Variants in ROBO2 observed in about 807,000 individuals in gnomAD.
The protein encoded by ROBO2 is roundabout guidance receptor 2, also known as roundabout homolog 2.
ROBO2 carries 53 observed loss-of-function variants against 160.8 expected under a neutral mutation model. That is an observed-to-expected ratio of 0.33 (90% CI 0.26 to 0.41). The LOEUF (loss-of-function observed/expected upper bound fraction) is 0.41, where lower values mean the gene tolerates loss of function less well. Among genes scored for constraint, ROBO2 ranks in the 10% least tolerant of loss-of-function variants. ROBO2 has a pLI of 1.00. For synonymous variants in ROBO2, 664 were observed against 611.7 expected, an observed-to-expected ratio of 1.09 and a Z score of -1.26; for missense variants, 1,577 against 1,722.4, an observed-to-expected ratio of 0.92 and a Z score of 1.49.
chr3:77,529,177 A>G lies in ROBO2; in HGVS notation c.934+6275A>G, dbSNP rs538929444. Among the ~76,000 whole-genome samples, 4 of 151,142 alleles carry G rather than the reference A, an allele frequency of 2.6e-5. No homozygotes were observed. The South Asian group carries it at 8.3e-4, about 31-fold the overall frequency. ...AAGATTTATATATAAATTATATACA[A>G]CAATGATATAGATTATATATAAAAT... On this transcript the variant is annotated intron_variant, in intron 6 of 25. Coordinates refer to ENST00000461745, the Ensembl canonical transcript of ROBO2.
chr3:76,891,304 T>C (rs3911529), intron 2 of ROBO2, among the ~76,000 whole-genome samples: 28,849 of 152,112 alleles, frequency 0.19, 2,824 homozygotes, highest in East Asian at 0.22. Flanking sequence ...TTTTATGGAA[T>C]AAATTGGATG....
At chr3:76,359,277 C>A (rs1576648105) in intron 2 of ROBO2, among the ~76,000 whole-genome samples, 1 of 151,912 alleles carries the variant, frequency 6.6e-6, no homozygotes, top group African/African-American at 2.4e-5. Context: ...TGAATGAGCC[C>A]TTTTAGCTAG....
chr3:76,643,383 T>A (rs553888831), intron 2 of ROBO2, among the ~76,000 whole-genome samples: 1 of 152,274 alleles, frequency 6.6e-6, no homozygotes, highest in East Asian at 1.9e-4. Context: ...GAGAAGAATA[T>A]CTCTGAGATT....
chr3:76,288,412 A>AT (rs1708635437), intron 2 of ROBO2, among the ~76,000 whole-genome samples: 1 of 151,796 alleles, frequency 6.6e-6, no homozygotes, highest in Non-Finnish European at 1.5e-5. Flanking sequence ...TAAAATACCC[A>AT]TTTTTTTAAT....
intron 2 of ROBO2, among the ~76,000 whole-genome samples, chr3:76,016,631 A>G (rs1227419253): frequency 6.6e-6 from 1 of 152,086 alleles, no homozygotes. Context: ...GAGTATTGGT[A>G]TTATTTCAAT....
chr3:77,486,732 G>T (rs2085406875), intron 4 of ROBO2, among the ~76,000 whole-genome samples: 1 of 152,004 alleles, frequency 6.6e-6, no homozygotes, highest in East Asian at 1.9e-4. Context: ...CACTCTGATA[G>T]TTTCTTTTGC....
intron 20 of ROBO2, among the ~76,000 whole-genome samples, chr3:77,604,339 CA>C (rs1207217608): frequency 6.6e-6 from 1 of 152,046 alleles, no homozygotes; most frequent in East Asian, 1.9e-4. Context: ...CTTTTTATTT[CA>C]TTAAAGATAT....
At chr3:77,234,169 C>T (rs2087615999) in intron 2 of ROBO2, among the ~76,000 whole-genome samples, 1 of 151,930 alleles carries the variant, frequency 6.6e-6, no homozygotes, top group African/African-American at 2.4e-5. Context: ...CAGGATCCTC[C>T]CTTCATTCCA....
chr3:77,254,335 T>C (rs1339209133), intron 2 of ROBO2, among the ~76,000 whole-genome samples: 1 of 152,250 alleles, frequency 6.6e-6, no homozygotes, highest in Non-Finnish European at 1.5e-5. Flanking sequence ...GTATTCATTT[T>C]TTAATTGAAT....
chr3:76,444,622 T>C (rs1460221828), intron 2 of ROBO2, among the ~76,000 whole-genome samples: 1 of 152,116 alleles, frequency 6.6e-6, no homozygotes, highest in African/African-American at 2.4e-5. Context: ...TCAGTCACTA[T>C]CATGAGAACA....
intron 2 of ROBO2, among the ~76,000 whole-genome samples, chr3:76,902,507 T>C (rs1382995407): frequency 1.3e-5 from 2 of 152,064 alleles, no homozygotes; most frequent in Admixed American, 6.6e-5. Flanking sequence ...TTTAATCAAA[T>C]TTATACATTT....
At chr3:76,567,164 C>A (rs1261405139) in intron 2 of ROBO2, among the ~76,000 whole-genome samples, 1 of 152,084 alleles carries the variant, frequency 6.6e-6, no homozygotes, top group African/African-American at 2.4e-5. Context: ...GGCAAAAGTC[C>A]ACCATTTTAA....
chr3:76,759,470 G>A (rs2108349420), intron 2 of ROBO2, among the ~76,000 whole-genome samples: 1 of 151,458 alleles, frequency 6.6e-6, no homozygotes. Context: ...AAATTTTGAG[G>A]GTGCTAGACT....
chr3:77,240,001 AC>A (rs142387214), intron 2 of ROBO2, among the ~76,000 whole-genome samples: 248 of 152,286 alleles, frequency 1.6e-3, no homozygotes, highest in African/African-American at 5.6e-3. Flanking sequence ...CCAAGTCCCC[AC>A]CTGACTCAGG....
At chr3:76,295,123 A>T (rs7609899) in intron 2 of ROBO2, among the ~76,000 whole-genome samples, 40,767 of 152,092 alleles carry the variant, frequency 0.27, 6,448 homozygotes, top group Non-Finnish European at 0.36. Flanking sequence ...AGCCCATTGA[A>T]TCAAAACAAG....
chr3:76,450,245 G>A (rs1463191810), intron 2 of ROBO2, among the ~76,000 whole-genome samples: 4 of 152,104 alleles, frequency 2.6e-5, no homozygotes, highest in African/African-American at 9.7e-5. Context: ...TTTACAATAA[G>A]GTCTAAGTGA....
At chr3:76,405,285 A>G (rs1210980822) in intron 2 of ROBO2, among the ~76,000 whole-genome samples, 1 of 151,552 alleles carries the variant, frequency 6.6e-6, no homozygotes, top group Non-Finnish European at 1.5e-5. Context: ...TGTTCCAGGA[A>G]GAGTGAAAGA....
intron 2 of ROBO2, among the ~76,000 whole-genome samples, chr3:76,658,886 A>G (rs548096918): frequency 5.3e-5 from 8 of 152,322 alleles, no homozygotes; most frequent in African/African-American, 1.9e-4. Context: ...ATAATATTCC[A>G]TTGAATAGCT....
At chr3:76,518,254 C>G (rs1437602286) in intron 2 of ROBO2, among the ~76,000 whole-genome samples, 2 of 152,112 alleles carry the variant, frequency 1.3e-5, no homozygotes, top group African/African-American at 4.8e-5. Context: ...TGTATTTTGG[C>G]TCCAAGGTGT....
Sources: gnomAD v4.1 joint callset for allele counts (sites outside exome capture counted in the v4.1 genomes callset) on GRCh38, gnomAD v4.1.1 for gene constraint, MANE v1.5 for transcripts, NCBI Gene and HGNC (gene_info 2026-07-23, HGNC 2026-07-21) for gene names.